The following CEP120 variants were observed in gnomAD, a reference collection of about 807,000 sequenced individuals.
CEP120 encodes centrosomal protein 120, also known as centrosomal protein of 120 kDa.
A neutral mutation model predicts 126.5 loss-of-function variants in CEP120; 113 were observed. The observed-to-expected ratio is 0.89, with a 90% CI of 0.77 to 1.04. CEP120 has a LOEUF of 1.04. Among genes scored for constraint, CEP120 ranks in the 50% least tolerant of loss-of-function variants. CEP120 has a pLI of 0.00. For synonymous variants in CEP120, 400 were observed against 394.3 expected (o/e 1.01, Z -0.17); for missense variants, 1,230 against 1,155.7 (o/e 1.06, Z -0.93).
intron 17 of CEP120, among the ~76,000 whole-genome samples, chr5:123,368,363 T>C (rs1018860762): frequency 2.0e-5 from 3 of 151,982 alleles, no homozygotes; most frequent in African/African-American, 7.2e-5. Context: ...CAATGAGTGC[T>C]TCAAATATTT....
At chr5:123,399,107 TAA>T (rs1251772320) in intron 5 of CEP120, 27 bp downstream of exon 5, 1 of 1,501,942 alleles carries the variant, frequency 6.7e-7, no homozygotes, top group African/African-American at 1.4e-5. Context: ...AAATTATTCG[TAA>T]GTCACCAATC....
At chr5:123,422,632 G>C in intron 1 of CEP120, 1 of 1,223,680 alleles carries the variant, frequency 8.2e-7, no homozygotes. Context: ...TGATCAGAAC[G>C]CGCTTCTCAG....
At chr5:123,404,044 T>G (rs1011772642) in intron 4 of CEP120, among the ~76,000 whole-genome samples, 4 of 152,216 alleles carry the variant, frequency 2.6e-5, no homozygotes, top group African/African-American at 9.7e-5. Context: ...TTGATGTAAA[T>G]TTCCCAGTTC....
chr5:123,401,344 G>T, intron 4 of CEP120: 1 of 1,597,136 alleles, frequency 6.3e-7, no homozygotes, highest in South Asian at 1.1e-5. Context: ...CTGCAATGGC[G>T]GCCTCCAGGA....
chr5:123,356,442 C>T (rs931471313), intron 18 of CEP120, among the ~76,000 whole-genome samples: 29 of 152,196 alleles, frequency 1.9e-4, no homozygotes, highest in South Asian at 6.2e-4. Flanking sequence ...GTACCTCTTA[C>T]AAAGCATATT....
In CEP120 at chr5:123,423,029, G is replaced by A. The variant is rs188020766; in HGVS notation, c.-31C>T. ...CGGTGAGCGGTCCGGGGGCGAAGGCGGCTGGGGGGAAGTGAGGTCCAGTTG... is the reference window on the plus strand; with the variant it reads ...CGGTGAGCGGTCCGGGGGCGAAGGCAGCTGGGGGGAAGTGAGGTCCAGTTG... On this transcript the variant is annotated 5_prime_UTR_variant, in exon 1 of 20. Coordinates refer to ENST00000306467, the MANE Select transcript of CEP120 (RefSeq NM_001375405.1). The A allele has an allele frequency of 8.7e-4, 1,397 of 1,603,008 alleles. 12 individuals carry two copies. In the African/African-American group the frequency reaches 0.016, roughly 19 times the overall value.
chr5:123,418,285 T>C (rs1774499593), intron 2 of CEP120, 74 bp downstream of exon 2: 4 of 1,347,012 alleles, frequency 3.0e-6, no homozygotes, highest in Non-Finnish European at 4.0e-6. Context: ...TATTAAATAC[T>C]CAAACTGTAT....
intron 1 of CEP120, among the ~76,000 whole-genome samples, chr5:123,419,439 C>T (rs755263042): frequency 6.6e-5 from 10 of 151,376 alleles, no homozygotes; most frequent in East Asian, 2.0e-4. Flanking sequence ...CCCAGCTACT[C>T]GGGAGGCTGA....
intron 4 of CEP120, among the ~76,000 whole-genome samples, chr5:123,400,618 TATATATACAC>T (rs1054767544): frequency 6.8e-6 from 1 of 146,710 alleles, no homozygotes; most frequent in Non-Finnish European, 1.5e-5. Context: ...TATATATACA[TATATATACAC>T]ATAAATACAT....
chr5:123,364,128 T>G (rs1278875281), intron 18 of CEP120, among the ~76,000 whole-genome samples: 2 of 151,534 alleles, frequency 1.3e-5, no homozygotes, highest in Non-Finnish European at 3.0e-5. Context: ...TTAAAATATA[T>G]TCTTAAACTT....
chr5:123,399,495 G>A (rs1340322823), intron 4 of CEP120, among the ~76,000 whole-genome samples: 1 of 152,188 alleles, frequency 6.6e-6, no homozygotes, highest in East Asian at 1.9e-4. Flanking sequence ...AAATTCTGGA[G>A]TAACATTTTT....
chr5:123,348,420 T>C (rs1768980423), intron 19 of CEP120, among the ~76,000 whole-genome samples: 1 of 152,228 alleles, frequency 6.6e-6, no homozygotes, highest in Non-Finnish European at 1.5e-5. Flanking sequence ...AAGGATATTA[T>C]AATTCATTAA....
intron 11 of CEP120, among the ~76,000 whole-genome samples, chr5:123,383,841 T>C (rs1204698417): frequency 6.6e-6 from 1 of 152,136 alleles, no homozygotes; most frequent in Non-Finnish European, 1.5e-5. Flanking sequence ...ATGCTAGTAA[T>C]ACAAAACCAT....
At position 123,412,540 on chromosome 5, in the gene CEP120, C is replaced by A. The variant is rs1180636988; in HGVS notation, c.322G>T (p.Ala108Ser). 1 of 1,583,824 alleles carries A rather than the reference C, an allele frequency of 6.3e-7. No homozygotes were observed. Residue 108 changes from alanine (A) to serine (S), a missense_variant and splice_region_variant, in exon 4 of 20, where the codon GCA (alanine) becomes TCA (serine). By Grantham distance (99) the Ala-to-Ser change is moderately conservative. Coordinates refer to ENST00000306467, the MANE Select transcript of CEP120 (RefSeq NM_001375405.1). ...CTCAGCAACTGGTACCATTTTGGTG[C>A]CTAGAGAATAATAAAATAACAAAAC... Reference protein sequence around the residue: ...DLRTAQETKQAPKWYQLLSNK... With the variant: ...DLRTAQETKQSPKWYQLLSNK...
intron 4 of CEP120, among the ~76,000 whole-genome samples, chr5:123,407,195 C>A (rs2127113785): frequency 6.7e-6 from 1 of 148,812 alleles, no homozygotes; most frequent in Middle Eastern, 3.5e-3. Flanking sequence ...GAGTTACAGA[C>A]AAAAACAGGA....
intron 19 of CEP120, among the ~76,000 whole-genome samples, chr5:123,348,496 A>AT (rs1022762185): frequency 6.6e-6 from 1 of 152,258 alleles, no homozygotes; most frequent in African/African-American, 2.4e-5. Flanking sequence ...ATAAATGAGA[A>AT]TAAAAGTACC....
chr5:123,388,231 T>C (rs990873461), intron 9 of CEP120: 4 of 342,900 alleles, frequency 1.2e-5, no homozygotes, highest in African/African-American at 2.1e-5. Flanking sequence ...TATATCAGAA[T>C]AATAAGACAG....
In CEP120 at chr5:123,423,328, C is replaced by T; in HGVS notation, c.-330G>A. 2 of 341,058 alleles carry T rather than the reference C, an allele frequency of 5.9e-6. No homozygotes were observed. Among genetic ancestry groups the T allele is most frequent in the Non-Finnish European group, 1.1e-5 (2 of 185,490 alleles). 21.1% of individuals were successfully genotyped at this position (341,058 alleles called of 1,614,324 possible). On this transcript the variant is annotated 5_prime_UTR_variant, in exon 1 of 20. Transcript: ENST00000306467. Reference sequence around the variant, plus strand: ...TTTTCAAACGCCCGGGCGGCCGCAGCGGCCGCCGCCGCGCCCAGCTTCCGC... The same window carrying T: ...TTTTCAAACGCCCGGGCGGCCGCAGTGGCCGCCGCCGCGCCCAGCTTCCGC...
intron 4 of CEP120, among the ~76,000 whole-genome samples, chr5:123,404,699 A>C (rs1018621917): frequency 6.6e-6 from 1 of 152,242 alleles, no homozygotes; most frequent in African/African-American, 2.4e-5. Context: ...ACAACTATTT[A>C]TAAATTCACT....
Sources: gnomAD v4.1 joint callset for allele counts (sites outside exome capture counted in the v4.1 genomes callset) on GRCh38, gnomAD v4.1.1 for gene constraint, MANE v1.5 for transcripts, NCBI Gene and HGNC (gene_info 2026-07-23, HGNC 2026-07-21) for gene names.